Variants in EP400 observed in about 807,000 individuals in gnomAD.
The protein encoded by EP400 is E1A-binding protein p400.
A neutral mutation model predicts 354.1 loss-of-function variants in EP400; 105 were observed. That is an observed-to-expected ratio of 0.30 (90% CI 0.25 to 0.35). EP400 has a LOEUF of 0.35. EP400 is among the 10% of genes least tolerant of loss of function. EP400 has a pLI of 1.00. For missense variants in EP400, 3,280 were observed against 4,121.0 expected, an observed-to-expected ratio of 0.80 and a Z score of 5.59; for synonymous variants, 1,646 against 1,716.9, an observed-to-expected ratio of 0.96 and a Z score of 1.02.
chr12:131,987,935 G>A, intron 7 of EP400, 45 bp downstream of exon 7: 3 of 1,502,502 alleles, frequency 2.0e-6, no homozygotes, highest in Non-Finnish European at 2.7e-6. Context: ...GCGTTGGTGG[G>A]GGCTTGAGTT....
chr12:131,975,635 C>G (rs1892448086), intron 2 of EP400, among the ~76,000 whole-genome samples: 2 of 152,108 alleles, frequency 1.3e-5, no homozygotes, highest in Admixed American at 1.3e-4. Flanking sequence ...TTTCGGCTCA[C>G]TGCAACCTCA....
rs769530797 is a variant in EP400, at chr12:132,027,507, T to C, written c.5085T>C (p.Ala1695=). The change falls in exon 26 of 53, where the codon GCT becomes GCC. Residue 1695 remains alanine (A), a synonymous_variant. Coordinates refer to ENST00000389561, the MANE Select transcript of EP400 (RefSeq NM_015409.5). This position sits in a 1 kb window ranked among gnomAD's most constrained non-coding sequence, Gnocchi z 4.9. ...AACCCGGAACGGCCTCCAAACCAGC[T>C]TCTCCCATTGGAGGGCCGACCCAGG... ...VGEPGTASKP[A]SPIGGPTQEE... is the part of the protein sequence containing the mutation. 1.2e-6 allele frequency: 2 copies of C among 1,613,340 alleles called. No homozygotes were observed. The highest frequency in any genetic ancestry group is 2.7e-5 in the African/African-American group (2 of 74,918).
intron 30 of EP400, among the ~76,000 whole-genome samples, chr12:132,032,622 G>GTTTT (rs531629339): frequency 1.4e-4 from 20 of 138,682 alleles, no homozygotes; most frequent in African/African-American, 2.4e-4. Context: ...AAGAGAATTA[G>GTTTT]TTTTTTTTTT....
Position 132,027,414 on chromosome 12 carries a change from C to T in EP400, c.5015-23C>T, listed in dbSNP as rs2136551635. ...CCTGTGAACTTGGCGTTCCTTTTCA[C>T]CTCTTCCTTTATGCATTTGTAGTTG... is the stretch of plus-strand genomic sequence containing the variant. On this transcript the variant is annotated intron_variant, in intron 25 of 52. Coordinates refer to ENST00000389561, the MANE Select transcript of EP400 (RefSeq NM_015409.5). The surrounding 1 kb of genome is among the most constrained non-coding windows in gnomAD (Gnocchi z 4.9). 2 of 1,613,230 alleles carry T rather than the reference C, an allele frequency of 1.2e-6. No individual in the cohort carries two copies. The highest frequency in any genetic ancestry group is 2.2e-5 in the South Asian group (2 of 91,050).
chr12:131,980,472 A>C (rs1470636738), intron 3 of EP400, among the ~76,000 whole-genome samples: 1 of 152,008 alleles, frequency 6.6e-6, no homozygotes, highest in Non-Finnish European at 1.5e-5. Context: ...TGTTAGTGCC[A>C]CCTTGTGTCT....
chr12:132,055,702 G>T (rs1037223403), intron 45 of EP400, among the ~76,000 whole-genome samples: 1 of 147,806 alleles, frequency 6.8e-6, no homozygotes, highest in African/African-American at 2.5e-5. Flanking sequence ...TGAAGTGTAG[G>T]GGTGTGTGTG....
intron 48 of EP400, chr12:132,065,732 C>T (rs1895869522): frequency 6.6e-6 from 1 of 152,234 alleles, no homozygotes; most frequent in African/African-American, 2.4e-5. Flanking sequence ...CCCTCCACAG[C>T]AGAGTGAGTA....
intron 19 of EP400, among the ~76,000 whole-genome samples, chr12:132,016,066 A>C (rs1287848408): frequency 6.6e-6 from 1 of 152,184 alleles, no homozygotes; most frequent in Non-Finnish European, 1.5e-5. Context: ...CAGCCAGTTC[A>C]TATGGGCTTT....
At chr12:132,020,950 TAAGAG>T in intron 22 of EP400, 124 bp from the exon 23 acceptor site, 1 of 1,290,536 alleles carries the variant, frequency 7.7e-7, no homozygotes, top group African/African-American at 1.5e-5. Context: ...TTTTTTTCCT[TAAGAG>T]GGGACTTCTC....
chr12:131,995,455 C>T (rs964447064), intron 12 of EP400, among the ~76,000 whole-genome samples: 4 of 151,136 alleles, frequency 2.6e-5, no homozygotes, highest in African/African-American at 7.3e-5. Context: ...CTGAATGTAC[C>T]GTTCATCTTG....
At position 131,987,983 on chromosome 12, in the gene EP400, C is replaced by CTTTT. The variant is rs778740521; in HGVS notation, c.2409+115_2409+118dup. 122 of 268,608 alleles carry CTTTT rather than the reference C, an allele frequency of 4.5e-4. 1 individual carries two copies. The highest frequency in any genetic ancestry group is 2.2e-3 in the South Asian group (19 of 8,732). 16.6% of individuals were successfully genotyped at this position (268,608 alleles called of 1,614,324 possible). A position where few individuals can be genotyped will look rare whatever the true frequency, so the allele number is the denominator to read the frequency against. ...AGTGGTGGGGAGGTCTCCAGACCCA[C>CTTTT]TTTTTTTTTTTTTTTTTTTTTTTTT... On this transcript the variant is annotated intron_variant, in intron 7 of 52. Transcript: ENST00000389561.
At chr12:131,956,970 C>T (rs1891723466) in intron 1 of EP400, among the ~76,000 whole-genome samples, 1 of 146,580 alleles carries the variant, frequency 6.8e-6, no homozygotes, top group Non-Finnish European at 1.5e-5. Context: ...CTCCTGGGTT[C>T]AAGCAATTCT....
chr12:132,064,110 G>A (rs1312086249), intron 47 of EP400, among the ~76,000 whole-genome samples: 1 of 145,156 alleles, frequency 6.9e-6, no homozygotes, highest in Non-Finnish European at 1.5e-5. Flanking sequence ...AGCCACACAG[G>A]TGCCTTGTCA....
chr12:131,962,877 T>A (rs1891940767), intron 2 of EP400, among the ~76,000 whole-genome samples: 1 of 152,266 alleles, frequency 6.6e-6, no homozygotes, highest in African/African-American at 2.4e-5. Flanking sequence ...TGCAAAGAAA[T>A]CTGCTTTTGC....
At chr12:131,956,230 C>T (rs2092915530) in intron 1 of EP400, among the ~76,000 whole-genome samples, 1 of 152,126 alleles carries the variant, frequency 6.6e-6, no homozygotes, top group Non-Finnish European at 1.5e-5. Flanking sequence ...CTTGGCGTTG[C>T]TGGGTTGTGT....
At position 132,023,788 on chromosome 12, in the gene EP400, G is replaced by A. The variant is rs1166339590; in HGVS notation, c.4702G>A (p.Val1568Met). The A allele has an allele frequency of 9.9e-6, 16 of 1,613,148 alleles. No individual in the cohort carries two copies. Among genetic ancestry groups the A allele is most frequent in the Non-Finnish European group, 1.3e-5 (15 of 1,179,792 alleles). The change falls in exon 24 of 53, where the codon GTG (valine) becomes ATG (methionine). Residue 1568 changes from valine (V) to methionine (M), a missense_variant. By Grantham distance (21) the Val-to-Met change is conservative. Coordinates refer to ENST00000389561, the MANE Select transcript of EP400 (RefSeq NM_015409.5). ...AQARLPSGEVVKIAQLASITG... is the reference protein window; with the variant it reads ...AQARLPSGEVMKIAQLASITG... ...CTACGTTTCAACAGGTGGAGAGGTA[G>A]TGAAAATAGCTCAGCTGGCATCCAT...
At chr12:131,987,056 G>C (rs1892878711) in intron 6 of EP400, among the ~76,000 whole-genome samples, 1 of 152,170 alleles carries the variant, frequency 6.6e-6, no homozygotes, top group Admixed American at 6.5e-5. Context: ...AGACGAGGGT[G>C]GGAGAGGTCA....
chr12:132,027,287 TG>T lies in EP400; in HGVS notation c.5015-148del. 1 of 741,840 alleles carries T rather than the reference TG, an allele frequency of 1.3e-6. No individual in the cohort carries two copies. 46.0% of individuals were successfully genotyped at this position (741,840 alleles called of 1,614,324 possible). The stretch of plus-strand genomic sequence containing the variant: ...CATGCACATTCCAGGCATGTGCTGG[TG>T]GAGGATGAGGACTTGGGGACATGCC... On this transcript the variant is annotated intron_variant, in intron 25 of 52. Transcript: ENST00000389561. This position sits in a 1 kb window ranked among gnomAD's most constrained non-coding sequence, Gnocchi z 4.9.
chr12:132,028,795 C>G (rs1021777977), intron 27 of EP400, among the ~76,000 whole-genome samples: 1 of 152,178 alleles, frequency 6.6e-6, no homozygotes, highest in African/African-American at 2.4e-5. Flanking sequence ...TTTCCACTCC[C>G]TGCTTGGACC....
Sources: gnomAD v4.1 joint callset for allele counts (sites outside exome capture counted in the v4.1 genomes callset) on GRCh38, gnomAD v4.1.1 for gene constraint, Gnocchi (gnomAD v3.1) non-coding constraint, MANE v1.5 for transcripts, NCBI Gene and HGNC (gene_info 2026-07-23, HGNC 2026-07-21) for gene names.